The following DGLUCY variants were observed in gnomAD, a reference collection of about 807,000 sequenced individuals.
DGLUCY encodes D-glutamate cyclase, also known as D-glutamate cyclase, mitochondrial.
Under a neutral mutation model 58.5 loss-of-function variants are expected in DGLUCY, and 58 were observed. That is an observed-to-expected ratio of 0.99 (90% CI 0.80 to 1.23). The LOEUF is 1.23. Ranked by LOEUF, DGLUCY falls within the 50% of genes most tolerant of loss-of-function variation. DGLUCY has a pLI of 0.00. For missense variants in DGLUCY, 779 were observed against 784.7 expected (o/e 0.99, Z 0.09); for synonymous variants, 325 against 314.1 (o/e 1.03, Z -0.37).
chr14:91,181,227 ATGAC>A lies in DGLUCY; in HGVS notation c.777_780del (p.Asp260Ter), dbSNP rs2049149694. ...TGCCAGCATCCCAGGCTGCACAGTT[ATGAC>A]TGACCTGAAGGATGCAAAGGCTCCA... On this transcript the variant is annotated frameshift_variant, in exon 8 of 14. Coordinates refer to ENST00000256324, the MANE Select transcript of DGLUCY (RefSeq NM_001102368.3). LOFTEE classifies it high-confidence loss of function. 6.2e-7 allele frequency: 1 copy of A among 1,614,036 alleles called. No homozygotes were observed. The highest frequency in any genetic ancestry group is 1.3e-5 in the African/African-American group (1 of 74,922).
intron 1 of DGLUCY, among the ~76,000 whole-genome samples, chr14:91,151,705 AGT>A (rs757809559): frequency 7.5e-6 from 1 of 134,226 alleles, no homozygotes; most frequent in Non-Finnish European, 1.6e-5. Context: ...CCCAGGCTGG[AGT>A]GCAGTGGTGC....
chr14:91,067,026 AGCCC>A (rs2043833738), intron 1 of DGLUCY, among the ~76,000 whole-genome samples: 1 of 144,056 alleles, frequency 6.9e-6, no homozygotes, highest in Non-Finnish European at 1.5e-5. Context: ...GCTTGCAGTG[AGCCC>A]AGATTGCACC....
chr14:91,121,648 TAA>T (rs2045372568), intron 1 of DGLUCY, among the ~76,000 whole-genome samples: 1 of 141,774 alleles, frequency 7.1e-6, no homozygotes, highest in Non-Finnish European at 1.6e-5. Context: ...ATAATAATAA[TAA>T]TAATTTCAAG....
intron 2 of DGLUCY, among the ~76,000 whole-genome samples, 163 bp from the exon 3 acceptor site, chr14:91,160,103 C>T (rs531549490): frequency 2.0e-5 from 3 of 152,158 alleles, no homozygotes; most frequent in African/African-American, 4.8e-5. Context: ...GGAGATGTGA[C>T]GGGGGAGAAT....
intron 10 of DGLUCY, among the ~76,000 whole-genome samples, chr14:91,198,015 A>C (rs1567000528): frequency 6.6e-6 from 1 of 152,192 alleles, no homozygotes; most frequent in Admixed American, 6.5e-5. Context: ...CTGTCTTGGA[A>C]GGATTGAGAG....
At chr14:91,192,732 C>T (rs1747069776) in intron 9 of DGLUCY, among the ~76,000 whole-genome samples, 1 of 152,158 alleles carries the variant, frequency 6.6e-6, no homozygotes, top group Admixed American at 6.5e-5. Flanking sequence ...TGAACCCTGA[C>T]AGTGGAGGTT....
chr14:91,185,669 G>A (rs2049470806), intron 8 of DGLUCY: 2 of 150,914 alleles, frequency 1.3e-5, no homozygotes, highest in African/African-American at 4.9e-5. Context: ...GAGTCATGAG[G>A]GAAGATGAAT....
chr14:91,177,630 G>C (rs749984606), intron 7 of DGLUCY, among the ~76,000 whole-genome samples: 2 of 152,232 alleles, frequency 1.3e-5, no homozygotes, highest in Non-Finnish European at 1.5e-5. Flanking sequence ...CATGGACACT[G>C]GAAAATTCTG....
rs919395768 is a variant in DGLUCY, at chr14:91,225,141, G to A, written c.*308G>A. On this transcript the variant is annotated 3_prime_UTR_variant, in exon 14 of 14. Transcript: ENST00000256324. Reference sequence around the variant, plus strand: ...CGTGGTCTCCTGTGAGAATCTTCTCGACAGTTACTTATGGGGACACTTGTG... The same window carrying A: ...CGTGGTCTCCTGTGAGAATCTTCTCAACAGTTACTTATGGGGACACTTGTG... The A allele has an allele frequency of 4.6e-6, 1 of 217,960 alleles. No homozygotes were observed. Among genetic ancestry groups the A allele is most frequent in the Non-Finnish European group, 9.0e-6 (1 of 110,728 alleles). The allele number at this position is 217,960 out of a possible 1,614,324, so 13.5% of individuals were successfully genotyped here. A position where few individuals can be genotyped will look rare whatever the true frequency, so the allele number is the denominator to read the frequency against.
intron 8 of DGLUCY, among the ~76,000 whole-genome samples, chr14:91,181,965 T>TTTATTTATTTA (rs2049203498): frequency 6.7e-6 from 1 of 148,694 alleles, no homozygotes; most frequent in African/African-American, 2.5e-5. Flanking sequence ...CTTTATGGCT[T>TTTATTTATTTA]TTTATTTATT....
chr14:91,154,438 C>T (rs2047500190), intron 1 of DGLUCY, among the ~76,000 whole-genome samples: 1 of 152,140 alleles, frequency 6.6e-6, no homozygotes, highest in East Asian at 1.9e-4. Context: ...TGGGTTCTGT[C>T]TATTCTTTGT....
At chr14:91,209,900 A>G (rs1282262530) in intron 12 of DGLUCY, among the ~76,000 whole-genome samples, 2 of 152,198 alleles carry the variant, frequency 1.3e-5, no homozygotes, top group African/African-American at 4.8e-5. Context: ...TAGCTACATT[A>G]ATTTCAGACA....
chr14:91,144,050 C>T (rs2046882544), intron 1 of DGLUCY, among the ~76,000 whole-genome samples: 1 of 152,172 alleles, frequency 6.6e-6, no homozygotes, highest in Non-Finnish European at 1.5e-5. Flanking sequence ...CACTCACAAG[C>T]CTTGGAAAAA....
chr14:91,183,900 C>A (rs1195328885), intron 8 of DGLUCY, among the ~76,000 whole-genome samples: 8 of 152,224 alleles, frequency 5.3e-5, no homozygotes, highest in Admixed American at 5.2e-4. Flanking sequence ...CACCCCAGTC[C>A]CTCTTCTGGA....
chr14:91,089,110 T>A (rs1032653405), intron 1 of DGLUCY, among the ~76,000 whole-genome samples: 4 of 152,244 alleles, frequency 2.6e-5, no homozygotes, highest in Non-Finnish European at 5.9e-5. Flanking sequence ...TCCTCCATTC[T>A]CATCATGGTT....
intron 1 of DGLUCY, among the ~76,000 whole-genome samples, chr14:91,089,484 T>G (rs2140062066): frequency 1.3e-5 from 2 of 152,264 alleles, no homozygotes; most frequent in Middle Eastern, 6.8e-3. Context: ...CCTTATAAAC[T>G]AGGGTGACCA....
At chr14:91,160,529 AATG>A (rs1406310052) in intron 3 of DGLUCY, 132 bp downstream of exon 3, 1 of 663,616 alleles carries the variant, frequency 1.5e-6, no homozygotes, top group Non-Finnish European at 2.5e-6. Context: ...GTAAGAGCAG[AATG>A]ATATTAGCTC....
rs1328032453 is a variant in DGLUCY at position 91,074,112 on chromosome 14, T to C, written c.-82+13408T>C. Among the ~76,000 whole-genome samples, 82 of 60,684 alleles carry C rather than the reference T, an allele frequency of 1.4e-3. 1 individual carries two copies. The Middle Eastern group carries it at 0.025, about 19-fold the overall frequency. The allele number at this position is 60,684 out of a possible 152,430, so 39.8% of individuals were successfully genotyped here. ...CTCTACCAAAAAAAAAAAATATATA[T>C]ATATATACACACACACACACACACA... On this transcript the variant is annotated intron_variant, in intron 1 of 4. Coordinates refer to the DGLUCY transcript ENST00000521334.
At chr14:91,077,884 G>A (rs2044056033) in intron 1 of DGLUCY, among the ~76,000 whole-genome samples, 1 of 151,270 alleles carries the variant, frequency 6.6e-6, no homozygotes, top group Non-Finnish European at 1.5e-5. Flanking sequence ...GGGAAGGAAG[G>A]AAGGAAGGAA....
Sources: gnomAD v4.1 joint callset for allele counts (sites outside exome capture counted in the v4.1 genomes callset) on GRCh38, gnomAD v4.1.1 for gene constraint, MANE v1.5 for transcripts, NCBI Gene and HGNC (gene_info 2026-07-23, HGNC 2026-07-21) for gene names.